Variants in EPHA6 observed in about 807,000 individuals in gnomAD.
EPHA6 encodes EPH receptor A6, also known as ephrin type-A receptor 6.
EPHA6 carries 50 observed loss-of-function variants against 112.0 expected under a neutral mutation model. The ratio of observed to expected loss-of-function variants is 0.45; its 90% confidence interval spans 0.36 to 0.56. The LOEUF is 0.56. Ranked by LOEUF, EPHA6 falls within the 20% of genes least tolerant of loss-of-function variation. The pLI is 0.00. For missense variants in EPHA6, 1,280 were observed against 1,417.4 expected (o/e 0.90, Z 1.56); for synonymous variants, 529 against 490.7 (o/e 1.08, Z -1.03).
intron 1 of EPHA6, among the ~76,000 whole-genome samples, chr3:96,829,699 T>G (rs2033896669): frequency 6.6e-6 from 1 of 152,120 alleles, no homozygotes; most frequent in African/African-American, 2.4e-5. Context: ...TAGCATTAGA[T>G]GTAGCGTCTG....
intron 11 of EPHA6, among the ~76,000 whole-genome samples, chr3:97,567,982 G>C (rs1051159990): frequency 6.6e-6 from 1 of 152,228 alleles, no homozygotes; most frequent in Non-Finnish European, 1.5e-5. Flanking sequence ...GTGGTCCCTT[G>C]TTGCCTGGCA....
chr3:97,179,445 A>G (rs2076923618), intron 3 of EPHA6, among the ~76,000 whole-genome samples: 1 of 152,010 alleles, frequency 6.6e-6, no homozygotes, highest in Admixed American at 6.6e-5. Context: ...TGGTGTCTGG[A>G]CACTGAATGG....
At chr3:97,626,374 C>T (rs1216980572) in intron 13 of EPHA6, among the ~76,000 whole-genome samples, 1 of 151,684 alleles carries the variant, frequency 6.6e-6, no homozygotes, top group Admixed American at 6.6e-5. Flanking sequence ...CAGTGATGTG[C>T]ATGCTTATGT....
At chr3:96,970,324 C>A (rs1330488824) in intron 2 of EPHA6, among the ~76,000 whole-genome samples, 1 of 151,310 alleles carries the variant, frequency 6.6e-6, no homozygotes, top group East Asian at 1.9e-4. Context: ...TAGTTATAAA[C>A]CTGAGTTTTC....
At chr3:97,223,903 A>G (rs1001228632) in intron 3 of EPHA6, among the ~76,000 whole-genome samples, 5 of 152,144 alleles carry the variant, frequency 3.3e-5, no homozygotes, top group Admixed American at 6.5e-5. Context: ...TAATGAATAG[A>G]TTTCTGTGTT....
At chr3:97,056,327 A>C (rs2045851649) in intron 3 of EPHA6, among the ~76,000 whole-genome samples, 1 of 152,204 alleles carries the variant, frequency 6.6e-6, no homozygotes, top group African/African-American at 2.4e-5. Flanking sequence ...TAGATAAATT[A>C]TATGCTCACC....
chr3:97,105,090 C>A (rs1278209483), intron 3 of EPHA6, among the ~76,000 whole-genome samples: 4 of 151,548 alleles, frequency 2.6e-5, no homozygotes, highest in South Asian at 2.1e-4. Context: ...AAAAAAAACT[C>A]CTCGATTTCT....
At chr3:97,296,644 G>C (rs940014853) in intron 5 of EPHA6, among the ~76,000 whole-genome samples, 1 of 152,182 alleles carries the variant, frequency 6.6e-6, no homozygotes, top group Non-Finnish European at 1.5e-5. Context: ...AGTGAGGATA[G>C]CAAACAAATC....
chr3:97,670,990 G>C (rs1220385425), intron 14 of EPHA6, among the ~76,000 whole-genome samples: 2 of 152,138 alleles, frequency 1.3e-5, no homozygotes, highest in Non-Finnish European at 2.9e-5. Context: ...AAATATCATA[G>C]AGGATCTTCT....
chr3:97,404,768 CAG>C (rs370890179), intron 5 of EPHA6, among the ~76,000 whole-genome samples: 4 of 152,188 alleles, frequency 2.6e-5, no homozygotes, highest in African/African-American at 7.2e-5. Flanking sequence ...CTTGTAATTG[CAG>C]AGTTTGTTTT....
In EPHA6 at chr3:97,347,617, G is replaced by A. The variant is rs573128232; in HGVS notation, c.1607-57533G>A. ...TATTTCTCCTAGAAAAAAATTTGGA[G>A]GGGGAAAGGGTTATGGTTAAATCAG... On this transcript the variant is annotated intron_variant, in intron 5 of 17. Transcript: ENST00000389672. 2.0e-5 allele frequency among the ~76,000 whole-genome samples: 3 copies of A among 152,124 alleles called. No individual in the cohort carries two copies. The East Asian group carries it at 5.8e-4, about 29-fold the overall frequency.
intron 2 of EPHA6, among the ~76,000 whole-genome samples, chr3:96,871,218 A>C (rs183595299): frequency 6.8e-4 from 103 of 152,126 alleles, no homozygotes; most frequent in African/African-American, 2.4e-3. Context: ...CATTTCTTTA[A>C]TATCCATGTT....
chr3:97,650,672 C>G (rs2094101727), intron 14 of EPHA6, among the ~76,000 whole-genome samples: 1 of 151,690 alleles, frequency 6.6e-6, no homozygotes, highest in Admixed American at 6.6e-5. Context: ...AAAACAAAAA[C>G]AAGAAGTCCT....
chr3:97,480,335 T>C (rs754284230), intron 9 of EPHA6, among the ~76,000 whole-genome samples: 2 of 152,108 alleles, frequency 1.3e-5, no homozygotes, highest in African/African-American at 2.4e-5. Context: ...CAGATAAACA[T>C]GTGAACAAGG....
chr3:97,576,987 A>G (rs1348655337), intron 11 of EPHA6, among the ~76,000 whole-genome samples: 1 of 152,174 alleles, frequency 6.6e-6, no homozygotes, highest in Non-Finnish European at 1.5e-5. Context: ...TAGAAGGATG[A>G]CAAGATTGAG....
chr3:97,717,235 A>C (rs1363011057), intron 14 of EPHA6, among the ~76,000 whole-genome samples: 1 of 151,378 alleles, frequency 6.6e-6, no homozygotes, highest in African/African-American at 2.4e-5. Flanking sequence ...CCATCTCAAA[A>C]AAAAAAAAAA....
At chr3:97,233,500 C>G (rs2078593509) in intron 4 of EPHA6, among the ~76,000 whole-genome samples, 1 of 152,064 alleles carries the variant, frequency 6.6e-6, no homozygotes, top group South Asian at 2.1e-4. Context: ...AACAAGCAGT[C>G]AATCTTTCCT....
intron 2 of EPHA6, among the ~76,000 whole-genome samples, chr3:96,877,070 C>G (rs1476047028): frequency 6.6e-6 from 1 of 151,958 alleles, no homozygotes; most frequent in South Asian, 2.1e-4. Context: ...GGCTGGATAG[C>G]TAAGTAGATG....
At chr3:97,388,892 G>GT (rs879696687) in intron 5 of EPHA6, among the ~76,000 whole-genome samples, 4 of 152,018 alleles carry the variant, frequency 2.6e-5, no homozygotes, top group Non-Finnish European at 4.4e-5. Flanking sequence ...CTATTCTGAG[G>GT]TTTTTTCTGC....
Sources: gnomAD v4.1 joint callset for allele counts (sites outside exome capture counted in the v4.1 genomes callset) on GRCh38, gnomAD v4.1.1 for gene constraint, MANE v1.5 for transcripts, NCBI Gene and HGNC (gene_info 2026-07-23, HGNC 2026-07-21) for gene names.